Variants in GRM8 observed in about 807,000 individuals in gnomAD.
The protein encoded by GRM8 is glutamate metabotropic receptor 8.
A neutral mutation model predicts 87.2 loss-of-function variants in GRM8; 47 were observed. That is an observed-to-expected ratio of 0.54 (90% confidence interval 0.43 to 0.69). The LOEUF is 0.69. GRM8 is among the 30% of genes least tolerant of loss of function. GRM8 has a pLI of 0.00. For missense variants in GRM8, 1,019 were observed against 1,139.2 expected (o/e 0.89, Z 1.52); for synonymous variants, 396 against 404.5 (o/e 0.98, Z 0.25).
chr7:126,844,317 G>A (rs757530842), intron 6 of GRM8, among the ~76,000 whole-genome samples: 1 of 152,162 alleles, frequency 6.6e-6, no homozygotes, highest in East Asian at 1.9e-4. Context: ...TAGGTCTAAT[G>A]TGGGTCCAAG....
chr7:126,489,051 T>C (rs1584792931), intron 9 of GRM8, among the ~76,000 whole-genome samples: 2 of 152,032 alleles, frequency 1.3e-5, no homozygotes, highest in African/African-American at 2.4e-5. Context: ...AATGCAGCCA[T>C]ATATAGTGGA....
At chr7:126,860,580 C>A (rs1798059715) in intron 6 of GRM8, among the ~76,000 whole-genome samples, 1 of 151,968 alleles carries the variant, frequency 6.6e-6, no homozygotes, top group Non-Finnish European at 1.5e-5. Context: ...GGTTACAGAA[C>A]AAATAGTTTT....
intron 3 of GRM8, among the ~76,000 whole-genome samples, chr7:126,972,308 A>G (rs566516123): frequency 2.0e-5 from 3 of 152,360 alleles, no homozygotes; most frequent in African/African-American, 7.2e-5. Context: ...TGCATCATGC[A>G]GAGCAAAAAA....
At chr7:126,735,873 G>A (rs1814152967) in intron 7 of GRM8, among the ~76,000 whole-genome samples, 1 of 152,036 alleles carries the variant, frequency 6.6e-6, no homozygotes, top group African/African-American at 2.4e-5. Context: ...ACAGTAAAAA[G>A]CTGGAAGCCG....
chr7:126,609,830 G>GA (rs1356271616), intron 7 of GRM8, among the ~76,000 whole-genome samples: 1 of 152,198 alleles, frequency 6.6e-6, no homozygotes, highest in African/African-American at 2.4e-5. Flanking sequence ...AGTTAATAGA[G>GA]AAAAATGTAA....
At chr7:126,540,795 G>T (rs1297666046) in intron 8 of GRM8, among the ~76,000 whole-genome samples, 5 of 152,130 alleles carry the variant, frequency 3.3e-5, no homozygotes, top group Non-Finnish European at 7.4e-5. Flanking sequence ...AAAGGGTATG[G>T]GATTTCTTGG....
intron 3 of GRM8, among the ~76,000 whole-genome samples, chr7:127,045,049 G>C (rs1818799844): frequency 6.6e-6 from 1 of 152,064 alleles, no homozygotes; most frequent in African/African-American, 2.4e-5. Flanking sequence ...TTCATATTCA[G>C]TGACATTTTC....
chr7:127,106,375 C>G (rs944265963), intron 3 of GRM8, 121 bp downstream of exon 3: 1 of 749,306 alleles, frequency 1.3e-6, no homozygotes, highest in Non-Finnish European at 2.3e-6. Flanking sequence ...GAGTGGACAG[C>G]CTAGTTCATG....
intron 1 of GRM8, among the ~76,000 whole-genome samples, chr7:127,248,084 G>A (rs1003220642): frequency 1.1e-4 from 17 of 152,092 alleles, no homozygotes; most frequent in African/African-American, 3.9e-4. Flanking sequence ...TCTGATTTAG[G>A]AGAATTCAAT....
chr7:127,103,127 GCC>G (rs1284791100), intron 3 of GRM8, among the ~76,000 whole-genome samples: 3 of 152,206 alleles, frequency 2.0e-5, no homozygotes, highest in African/African-American at 7.2e-5. Flanking sequence ...ACAGGCATGA[GCC>G]ATCACACCAA....
At chr7:126,931,518 C>A (rs748740162) in intron 3 of GRM8, among the ~76,000 whole-genome samples, 1 of 152,020 alleles carries the variant, frequency 6.6e-6, no homozygotes, top group East Asian at 1.9e-4. Flanking sequence ...AAGTCAAAAA[C>A]CCAAAATATT....
At chr7:126,676,201 A>G (rs527417983) in intron 7 of GRM8, among the ~76,000 whole-genome samples, 10 of 152,314 alleles carry the variant, frequency 6.6e-5, no homozygotes, top group Admixed American at 2.6e-4. Flanking sequence ...CTCTACAAGG[A>G]GACTATCACA....
chr7:127,041,624 A>G (rs974880229), intron 3 of GRM8, among the ~76,000 whole-genome samples: 2 of 152,228 alleles, frequency 1.3e-5, no homozygotes, highest in African/African-American at 2.4e-5. Flanking sequence ...AAAGTTCTCT[A>G]CAGGAATATG....
chr7:126,676,731 G>A (rs1806997436), intron 7 of GRM8, among the ~76,000 whole-genome samples: 1 of 152,104 alleles, frequency 6.6e-6, no homozygotes, highest in Non-Finnish European at 1.5e-5. Context: ...ACTCAAAGTT[G>A]ATTAAATACT....
chr7:126,659,809 T>G (rs1423773662), intron 7 of GRM8, among the ~76,000 whole-genome samples: 1 of 152,226 alleles, frequency 6.6e-6, no homozygotes, highest in Non-Finnish European at 1.5e-5. Flanking sequence ...TTGATTTTGT[T>G]TGCATTTATT....
intron 3 of GRM8, among the ~76,000 whole-genome samples, chr7:126,985,643 G>A (rs1811982482): frequency 6.6e-6 from 1 of 152,158 alleles, no homozygotes; most frequent in South Asian, 2.1e-4. Context: ...ATTCTCTGTG[G>A]GGTCTCAAGG....
At chr7:127,037,184 G>T (rs1249809744) in intron 3 of GRM8, among the ~76,000 whole-genome samples, 1 of 152,088 alleles carries the variant, frequency 6.6e-6, no homozygotes, top group Non-Finnish European at 1.5e-5. Context: ...TTTGCTAAGG[G>T]TATAGATCTT....
intron 2 of GRM8, among the ~76,000 whole-genome samples, chr7:127,187,405 A>C (rs1794797935): frequency 6.9e-6 from 1 of 144,146 alleles, no homozygotes; most frequent in Non-Finnish European, 1.6e-5. Flanking sequence ...CAAAGCAAGC[A>C]GGAGTGGTTT....
At chr7:127,158,440 T>C (rs1792873759) in intron 2 of GRM8, among the ~76,000 whole-genome samples, 1 of 152,214 alleles carries the variant, frequency 6.6e-6, no homozygotes, top group African/African-American at 2.4e-5. Context: ...TCCATTTGTC[T>C]TCAATCATTA....
Sources: allele counts gnomAD v4.1 joint callset (sites outside exome capture counted in the v4.1 genomes callset), GRCh38; gene constraint gnomAD v4.1.1; transcripts MANE v1.5; gene names NCBI Gene and HGNC (gene_info 2026-07-23, HGNC 2026-07-21).